Variants in NRG3 observed in about 807,000 individuals in gnomAD.
NRG3 encodes the protein pro-neuregulin-3, membrane-bound isoform.
In NRG3, 31 loss-of-function variants were observed where a neutral mutation model predicts 66.9. The observed-to-expected ratio is 0.46, with a 90% CI of 0.35 to 0.63. The LOEUF is 0.63. Among genes scored for constraint, NRG3 ranks in the 20% least tolerant of loss-of-function variants. The probability of loss-of-function intolerance (pLI) is 0.00; values close to 1 mark genes in which losing one functional copy is unlikely to be tolerated. For synonymous variants in NRG3, 393 were observed against 359.4 expected (o/e 1.09, Z -1.06); for missense variants, 910 against 878.9 (o/e 1.04, Z -0.45).
chr10:82,045,339 G>A (rs1307973500), intron 1 of NRG3, among the ~76,000 whole-genome samples: 3 of 79,012 alleles, frequency 3.8e-5, no homozygotes, highest in Non-Finnish European at 3.0e-5. Flanking sequence ...ATTTTTTCAT[G>A]TGTCTTTTGG....
At chr10:82,055,741 T>C (rs145788190) in intron 1 of NRG3, among the ~76,000 whole-genome samples, 16 of 152,260 alleles carry the variant, frequency 1.1e-4, no homozygotes, top group African/African-American at 3.8e-4. Flanking sequence ...ATGAAAAATT[T>C]ACAATGCAAG....
intron 3 of NRG3, among the ~76,000 whole-genome samples, chr10:82,760,910 A>AAATTAAAAATATCATATTCCC (rs1476961634): frequency 6.6e-6 from 1 of 151,894 alleles, no homozygotes; most frequent in Admixed American, 6.6e-5. Context: ...TATTGTAAAA[A>AAATTAAAAATATCATATTCCC]AATTAAAAAT....
chr10:82,851,218 C>T (rs560509289), intron 3 of NRG3, among the ~76,000 whole-genome samples: 2 of 152,066 alleles, frequency 1.3e-5, no homozygotes, highest in Non-Finnish European at 2.9e-5. Flanking sequence ...AAACACATTT[C>T]GTTTATCTAA....
chr10:82,846,170 C>G (rs2063299763), intron 3 of NRG3, among the ~76,000 whole-genome samples: 1 of 151,992 alleles, frequency 6.6e-6, no homozygotes, highest in Admixed American at 6.6e-5. Context: ...GCAGCAGATA[C>G]CACTATACTC....
At chr10:82,908,503 A>G (rs1844976356) in intron 4 of NRG3, among the ~76,000 whole-genome samples, 1 of 152,200 alleles carries the variant, frequency 6.6e-6, no homozygotes, top group African/African-American at 2.4e-5. Flanking sequence ...GCAACTGGTG[A>G]TTTATGGCTG....
intron 2 of NRG3, among the ~76,000 whole-genome samples, chr10:82,623,902 G>A (rs1289729395): frequency 6.6e-6 from 1 of 152,078 alleles, no homozygotes; most frequent in Non-Finnish European, 1.5e-5. Flanking sequence ...CCAGAGACAT[G>A]TATGATAGGG....
At chr10:82,828,176 C>T (rs1349083265) in intron 3 of NRG3, among the ~76,000 whole-genome samples, 2 of 152,026 alleles carry the variant, frequency 1.3e-5, no homozygotes, top group African/African-American at 2.4e-5. Flanking sequence ...TAGCATTGTC[C>T]AGAGCAAGGA....
chr10:81,949,345 A>C (rs149080172), intron 1 of NRG3, among the ~76,000 whole-genome samples: 165 of 152,308 alleles, frequency 1.1e-3, no homozygotes, highest in African/African-American at 3.6e-3. Flanking sequence ...CAAGGTTAAT[A>C]AATTCTTTAC....
At chr10:82,027,823 C>T (rs2062383710) in intron 1 of NRG3, among the ~76,000 whole-genome samples, 1 of 152,042 alleles carries the variant, frequency 6.6e-6, no homozygotes, top group Non-Finnish European at 1.5e-5. Context: ...ACTGTACCCA[C>T]ACATTGAGGG....
intron 2 of NRG3, among the ~76,000 whole-genome samples, chr10:82,367,163 G>A (rs207471199): frequency 6.6e-6 from 1 of 152,090 alleles, no homozygotes; most frequent in Admixed American, 6.5e-5. Flanking sequence ...CACTCTTTTT[G>A]TTTGCTCCCA....
At chr10:82,712,556 A>G (rs1247639846) in intron 2 of NRG3, among the ~76,000 whole-genome samples, 2 of 152,214 alleles carry the variant, frequency 1.3e-5, no homozygotes, top group South Asian at 2.1e-4. Flanking sequence ...TGTATTCCAT[A>G]ACAAGTTCTC....
At chr10:82,977,598 CAAAAA>C (rs766341428) in intron 7 of NRG3, among the ~76,000 whole-genome samples, 1 of 55,438 alleles carries the variant, frequency 1.8e-5, no homozygotes, top group Non-Finnish European at 3.7e-5. Context: ...GACTCTGTCT[CAAAAA>C]AAAAAAAAAA....
chr10:82,940,030 T>A (rs908487472), intron 4 of NRG3, among the ~76,000 whole-genome samples: 17 of 152,024 alleles, frequency 1.1e-4, no homozygotes, highest in Admixed American at 7.9e-4. Flanking sequence ...GAAATAAAGA[T>A]CATATCCTTG....
intron 1 of NRG3, among the ~76,000 whole-genome samples, chr10:82,201,919 G>A (rs2133497312): frequency 6.6e-6 from 1 of 152,150 alleles, no homozygotes; most frequent in East Asian, 1.9e-4. Flanking sequence ...AGAAGAGAGA[G>A]ACACAGCTTA....
chr10:82,383,296 C>T (rs151322669), intron 2 of NRG3, among the ~76,000 whole-genome samples: 1 of 151,788 alleles, frequency 6.6e-6, no homozygotes, highest in Non-Finnish European at 1.5e-5. Flanking sequence ...TATCTTCTCT[C>T]TCTTAAATGT....
intron 1 of NRG3, among the ~76,000 whole-genome samples, chr10:82,091,405 A>G (rs1002368679): frequency 6.6e-6 from 1 of 152,124 alleles, no homozygotes; most frequent in Non-Finnish European, 1.5e-5. Context: ...AGCTCATGTA[A>G]GTGTAATCAT....
chr10:82,974,864 T>C (rs1252035867), intron 7 of NRG3, among the ~76,000 whole-genome samples: 2 of 152,188 alleles, frequency 1.3e-5, no homozygotes, highest in Admixed American at 6.5e-5. Flanking sequence ...CACCTTTTAA[T>C]GAGTTACATG....
chr10:82,693,786 G>C (rs1451839796), intron 2 of NRG3, among the ~76,000 whole-genome samples: 1 of 152,204 alleles, frequency 6.6e-6, no homozygotes, highest in Non-Finnish European at 1.5e-5. Flanking sequence ...TTTGAATCGA[G>C]TGTTACAGCT....
At chr10:82,084,630 T>A (rs988163677) in intron 1 of NRG3, among the ~76,000 whole-genome samples, 2 of 152,154 alleles carry the variant, frequency 1.3e-5, no homozygotes, top group African/African-American at 2.4e-5. Context: ...GCATGTATTC[T>A]TGTCATTATA....
Sources: allele counts gnomAD v4.1 joint callset (sites outside exome capture counted in the v4.1 genomes callset), GRCh38; gene constraint gnomAD v4.1.1; transcripts MANE v1.5; gene names NCBI Gene and HGNC (gene_info 2026-07-23, HGNC 2026-07-21).